The following SYT1 variants were observed in gnomAD, a reference collection of about 807,000 sequenced individuals.
SYT1 encodes the protein synaptotagmin 1.
Under a neutral mutation model 44.8 loss-of-function variants are expected in SYT1, and 8 were observed. The ratio of observed to expected loss-of-function variants is 0.18; its 90% CI spans 0.10 to 0.32. SYT1 has a LOEUF of 0.32. Among genes scored for constraint, SYT1 ranks in the 10% least tolerant of loss-of-function variants. The pLI, the probability that SYT1 is intolerant of heterozygous loss-of-function variation, is 1.00. For synonymous variants in SYT1, 154 were observed against 188.8 expected (o/e 0.82, Z 1.51); for missense variants, 286 against 509.3 (o/e 0.56, Z 4.22).
At chr12:78,941,250 T>C (rs1209575188) in intron 1 of SYT1, among the ~76,000 whole-genome samples, 1 of 151,512 alleles carries the variant, frequency 6.6e-6, no homozygotes, top group African/African-American at 2.4e-5. Context: ...GTTTTTATAT[T>C]TTTAGTAGAG....
Position 79,314,885 on chromosome 12 carries a change from TA to T in SYT1, c.810+15339del, listed in dbSNP as rs574337003. 2.2e-4 allele frequency among the ~76,000 whole-genome samples: 33 copies of T among 152,294 alleles called. No individual in the cohort carries two copies. In the East Asian group the frequency reaches 6.0e-3, roughly 28 times the overall value. The stretch of plus-strand genomic sequence containing the variant: ...CATACAATAGAAAATTACTTAGCTG[TA>T]AAAAGAAATAGTCTTGATACATGCT... On this transcript the variant is annotated intron_variant, in intron 8 of 10. Transcript: ENST00000261205.
intron 4 of SYT1, among the ~76,000 whole-genome samples, chr12:79,227,220 T>A (rs1340340185): frequency 6.6e-6 from 1 of 152,126 alleles, no homozygotes; most frequent in South Asian, 2.1e-4. Flanking sequence ...TTTTTTAAAT[T>A]AAGGCTTAAA....
chr12:79,349,148 G>A lies in SYT1; in HGVS notation c.811-4354G>A, dbSNP rs1212223797. ...AAGGTAGGAAGGAAGAGGAAGGAAG[G>A]AAGAAAAGGGGAAGGAAGGAAAGAA... On this transcript the variant is annotated intron_variant, in intron 8 of 10. Coordinates refer to ENST00000261205, the MANE Select transcript of SYT1 (RefSeq NM_005639.3). 6.7e-5 allele frequency among the ~76,000 whole-genome samples: 10 copies of A among 150,238 alleles called. 1 individual carries two copies.
At chr12:79,101,958 T>C (rs1878469335) in intron 3 of SYT1, among the ~76,000 whole-genome samples, 1 of 147,250 alleles carries the variant, frequency 6.8e-6, no homozygotes, top group Non-Finnish European at 1.5e-5. Flanking sequence ...AGATATTAAA[T>C]AGTATTTTTC....
intron 3 of SYT1, among the ~76,000 whole-genome samples, chr12:79,082,272 T>A (rs1036519704): frequency 2.0e-5 from 3 of 152,174 alleles, no homozygotes; most frequent in African/African-American, 7.2e-5. Context: ...TCTGTATGTT[T>A]CCACAAAGGC....
intron 8 of SYT1, among the ~76,000 whole-genome samples, chr12:79,344,677 A>G (rs1812373524): frequency 6.6e-6 from 1 of 151,972 alleles, no homozygotes; most frequent in South Asian, 2.1e-4. Context: ...GGCTGGTCTC[A>G]AACTCCTGGG....
chr12:79,202,035 G>A (rs1239071171), intron 3 of SYT1, among the ~76,000 whole-genome samples: 2 of 152,030 alleles, frequency 1.3e-5, no homozygotes, highest in African/African-American at 4.8e-5. Context: ...ACATGAAAAG[G>A]CAATTTAGCT....
chr12:79,109,753 T>G (rs1008509196), intron 3 of SYT1, among the ~76,000 whole-genome samples: 3 of 152,242 alleles, frequency 2.0e-5, no homozygotes, highest in Non-Finnish European at 4.4e-5. Flanking sequence ...TTTTCCTTAT[T>G]GAATCCAATA....
chr12:78,881,630 A>T (rs1454007422), intron 1 of SYT1, among the ~76,000 whole-genome samples: 1 of 151,780 alleles, frequency 6.6e-6, no homozygotes, highest in African/African-American at 2.4e-5. Flanking sequence ...ACTTGATTAT[A>T]TCACTAGCCA....
intron 2 of SYT1, among the ~76,000 whole-genome samples, chr12:78,980,027 G>A (rs979618385): frequency 6.6e-6 from 1 of 152,088 alleles, no homozygotes; most frequent in African/African-American, 2.4e-5. Flanking sequence ...CAACTAAATT[G>A]AATTCTTTGG....
At chr12:79,105,152 C>G (rs980439013) in intron 3 of SYT1, among the ~76,000 whole-genome samples, 5 of 152,180 alleles carry the variant, frequency 3.3e-5, no homozygotes, top group African/African-American at 1.2e-4. Context: ...GGCTTGGCTT[C>G]AAATTCTAGC....
chr12:79,083,673 A>G (rs1407992021), intron 3 of SYT1, among the ~76,000 whole-genome samples: 2 of 152,174 alleles, frequency 1.3e-5, no homozygotes, highest in African/African-American at 4.8e-5. Context: ...ATAGCATTAC[A>G]TATATTGTTT....
intron 1 of SYT1, among the ~76,000 whole-genome samples, chr12:78,973,934 AAAAAATATATATATATATATATATATAT>A (rs1167988979): frequency 3.1e-4 from 9 of 29,170 alleles, no homozygotes; most frequent in Non-Finnish European, 4.0e-4. Flanking sequence ...AAAAAAAAAA[AAAAAATATATATATATATATATATATAT>A]ATATATATAT....
chr12:79,225,919 A>C, intron 4 of SYT1, among the ~76,000 whole-genome samples: 1 of 152,076 alleles, frequency 6.6e-6, no homozygotes, highest in Non-Finnish European at 1.5e-5. Context: ...CCACCATATT[A>C]CTTAGCAATA....
chr12:79,418,954 G>A (rs1038529211), intron 9 of SYT1, among the ~76,000 whole-genome samples: 2 of 152,058 alleles, frequency 1.3e-5, no homozygotes, highest in African/African-American at 2.4e-5. Context: ...ATGGCCAAGG[G>A]GTCAGTAGAT....
chr12:79,147,608 A>G (rs1869999961), intron 3 of SYT1, among the ~76,000 whole-genome samples: 1 of 152,198 alleles, frequency 6.6e-6, no homozygotes, highest in South Asian at 2.1e-4. Flanking sequence ...AAAGTTTGAT[A>G]ACTATAACTA....
At chr12:78,954,717 C>A (rs572377407) in intron 1 of SYT1, among the ~76,000 whole-genome samples, 5 of 151,848 alleles carry the variant, frequency 3.3e-5, no homozygotes, top group Non-Finnish European at 7.4e-5. Context: ...TGAATATTAG[C>A]ACATGAGGGA....
At chr12:79,394,747 A>T (rs964249490) in intron 9 of SYT1, among the ~76,000 whole-genome samples, 5 of 152,228 alleles carry the variant, frequency 3.3e-5, no homozygotes, top group African/African-American at 1.2e-4. Context: ...CTACTGCAAC[A>T]TTTCAACAAA....
At chr12:79,180,125 TATTGCCAAATTTCCCTCTA>T (rs1277773236) in intron 3 of SYT1, among the ~76,000 whole-genome samples, 1 of 152,132 alleles carries the variant, frequency 6.6e-6, no homozygotes, top group Admixed American at 6.6e-5. Flanking sequence ...TTTTGTCAGA[TATTGCCAAATTTCCCTCTA>T]TTAGAAATTG....
Sources: allele counts gnomAD v4.1 joint callset (sites outside exome capture counted in the v4.1 genomes callset), GRCh38; gene constraint gnomAD v4.1.1; transcripts MANE v1.5; gene names NCBI Gene and HGNC (gene_info 2026-07-23, HGNC 2026-07-21).